PIWIL4: variants seen among roughly 807,000 people sequenced by gnomAD.
PIWIL4 encodes piwi like RNA-mediated gene silencing 4, also known as piwi-like protein 4.
Under a neutral mutation model 100.9 loss-of-function variants are expected in PIWIL4, and 50 were observed. The ratio of observed to expected loss-of-function variants is 0.50; its 90% CI spans 0.39 to 0.63. The LOEUF (loss-of-function observed/expected upper bound fraction) is 0.63, where lower values mean the gene tolerates loss of function less well. PIWIL4 is among the 20% of genes least tolerant of loss of function. PIWIL4 has a pLI of 0.00. For synonymous variants in PIWIL4, 342 were observed against 367.5 expected (o/e 0.93, Z 0.79); for missense variants, 887 against 1,043.3 (o/e 0.85, Z 2.06).
intron 17 of PIWIL4, among the ~76,000 whole-genome samples, chr11:94,618,914 A>G (rs1272594949): frequency 6.6e-6 from 1 of 152,130 alleles, no homozygotes; most frequent in Non-Finnish European, 1.5e-5. Context: ...TGGCAGTATC[A>G]TCTGCAGCTT....
At position 94,608,580 on chromosome 11, in the gene PIWIL4, T is replaced by C; in HGVS notation, c.1840-3T>C. On this transcript the variant is annotated splice_region_variant and splice_polypyrimidine_tract_variant and intron_variant, in intron 14 of 19. Transcript: ENST00000299001. ...TTAAATCATGACAAATTTAATTTTA[T>C]AGTTAAAGTCCCTGATGGTGGTCGG... is the stretch of plus-strand genomic sequence containing the variant. 2 of 1,612,162 alleles carry C rather than the reference T, an allele frequency of 1.2e-6. No individual in the cohort carries two copies. The highest frequency in any genetic ancestry group is 1.7e-6 in the Non-Finnish European group (2 of 1,178,456).
intron 7 of PIWIL4, among the ~76,000 whole-genome samples, chr11:94,587,772 T>G (rs1002910651): frequency 6.6e-5 from 10 of 152,258 alleles, no homozygotes; most frequent in African/African-American, 1.2e-4. Context: ...TCTCACCTTC[T>G]TTATTAGATT....
intron 16 of PIWIL4, chr11:94,617,730 C>T: frequency 2.1e-6 from 1 of 467,168 alleles, no homozygotes; most frequent in Non-Finnish European, 3.8e-6. Flanking sequence ...AAGAATATAT[C>T]ATGCCATAGA....
intron 13 of PIWIL4, 59 bp downstream of exon 13, chr11:94,604,115 C>T: frequency 8.7e-7 from 1 of 1,153,974 alleles, no homozygotes; most frequent in Non-Finnish European, 1.2e-6. Flanking sequence ...TGCTTTATAT[C>T]TACAGTCTGA....
At chr11:94,573,207 C>G (rs186318838) in intron 2 of PIWIL4, among the ~76,000 whole-genome samples, 6 of 152,296 alleles carry the variant, frequency 3.9e-5, no homozygotes, top group Admixed American at 2.6e-4. Flanking sequence ...ATGGGGTGTT[C>G]TAGATATACA....
In PIWIL4 at chr11:94,617,974, A is replaced by C. The variant is rs773107488; in HGVS notation, c.2035A>C (p.Lys679Gln). 1 of 1,613,974 alleles carries C rather than the reference A, an allele frequency of 6.2e-7. No individual in the cohort carries two copies. Among genetic ancestry groups the C allele is most frequent in the African/African-American group, 1.3e-5 (1 of 75,036 alleles). The change falls in exon 17 of 20, where the codon AAG becomes CAG. Residue 679 changes from lysine (K) to glutamine (Q), a missense_variant. Physicochemically the swap from Lys to Gln is moderately conservative, Grantham distance 53 (BLOSUM62 1). Around this residue, in one of 2 missense-constraint regions of PIWIL4, gnomAD observed 741 missense variants for 930.0 expected, o/e 0.80. Coordinates refer to ENST00000299001, the MANE Select transcript of PIWIL4 (RefSeq NM_152431.3). The part of the protein sequence containing the change: ...FMTGALNKWY[K>Q]YNHDLPARII... ...TGCAGGAGCACTCAACAAATGGTAC[A>C]AGTACAATCATGATTTGCCAGCACG...
chr11:94,608,588 GTCCC>G lies in PIWIL4; in HGVS notation c.1847_1850del (p.Ser616Ter), dbSNP rs760551345. On this transcript the variant is annotated frameshift_variant, in exon 15 of 20. Transcript: ENST00000299001. LOFTEE classifies it high-confidence loss of function. ...TGACAAATTTAATTTTATAGTTAAA[GTCCC>G]TGATGGTGGTCGGTATTGATGTCTG... is the stretch of plus-strand genomic sequence containing the variant. The G allele has an allele frequency of 6.2e-7, 1 of 1,613,414 alleles. No individual in the cohort carries two copies. Among genetic ancestry groups the G allele is most frequent in the Non-Finnish European group, 8.5e-7 (1 of 1,179,464 alleles).
At chr11:94,585,121 G>T (rs759899076) in intron 5 of PIWIL4, among the ~76,000 whole-genome samples, 3 of 152,068 alleles carry the variant, frequency 2.0e-5, no homozygotes, top group Admixed American at 6.6e-5. Flanking sequence ...GGTCAAAAAG[G>T]CCTGCAGGCA....
chr11:94,612,958 G>C (rs984620971), intron 15 of PIWIL4, among the ~76,000 whole-genome samples: 4 of 151,994 alleles, frequency 2.6e-5, no homozygotes, highest in African/African-American at 4.8e-5. Flanking sequence ...AAAATACTTT[G>C]ATCTTTTATC....
At position 94,608,657 on chromosome 11, in the gene PIWIL4, C is replaced by T. The variant is rs146415204; in HGVS notation, c.1914C>T (p.Cys638=). The T allele has an allele frequency of 2.3e-3, 3,763 of 1,614,006 alleles. 12 individuals carry two copies. Among genetic ancestry groups the T allele is most frequent in the Non-Finnish European group, 2.8e-3 (3,350 of 1,179,904 alleles). Residue 638 remains cysteine, a synonymous_variant, in exon 15 of 20, where the codon TGC becomes TGT. Transcript: ENST00000299001. Reference sequence around the variant, plus strand: ...GCAAGGACGTGATGGTTGTTGGATGCGTGGCCAGTGTTAACCCCAGAATCA... The same window carrying T: ...GCAAGGACGTGATGGTTGTTGGATGTGTGGCCAGTGTTAACCCCAGAATCA... ...ALSKDVMVVG[C]VASVNPRITR... is the part of the protein sequence containing the mutation.
rs2135311498 is a variant in PIWIL4 at position 94,621,269 on chromosome 11, T to A, written c.*277T>A. 1 of 335,084 alleles carries A rather than the reference T, an allele frequency of 3.0e-6. No homozygotes were observed. The highest frequency in any genetic ancestry group is 2.1e-5 in the African/African-American group (1 of 47,440). The allele number at this position is 335,084 out of a possible 1,614,324, so 20.8% of individuals were successfully genotyped here. On this transcript the variant is annotated 3_prime_UTR_variant, in exon 20 of 20. Coordinates refer to ENST00000299001, the MANE Select transcript of PIWIL4 (RefSeq NM_152431.3). ...AAGAATTCCACAGAGTTAAATATCT[T>A]AAGTTAAACACTTAAAATAAGTGTT...
In PIWIL4 at chr11:94,587,105, C is replaced by T. The variant is rs1361959152; in HGVS notation, c.772C>T (p.Leu258=). The T allele has an allele frequency of 3.1e-6, 5 of 1,613,792 alleles. No homozygotes were observed. Among genetic ancestry groups the T allele is most frequent in the African/African-American group, 1.3e-5 (1 of 74,864 alleles). Residue 258 remains leucine, a synonymous_variant, in exon 7 of 20, where the codon CTG becomes TTG. Transcript: ENST00000299001. Reference sequence around the variant, plus strand: ...TGTGTCATATTTTGAAAGGAAGCTCCTGTTTAGTGCTGATGTGAGTTACAA... The same window carrying T: ...TGTGTCATATTTTGAAAGGAAGCTCTTGTTTAGTGCTGATGTGAGTTACAA... ...ISVSYFERKL[L]FSADVSYKVL... is the part of the protein sequence containing the mutation.
intron 15 of PIWIL4, among the ~76,000 whole-genome samples, chr11:94,610,420 T>C (rs1012321173): frequency 6.6e-6 from 1 of 152,118 alleles, no homozygotes; most frequent in Non-Finnish European, 1.5e-5. Flanking sequence ...GAGGAACTTC[T>C]TTACTGGTTT....
At position 94,598,363 on chromosome 11, in the gene PIWIL4, G is replaced by A. The variant is rs563280870; in HGVS notation, c.1380+448G>A. On this transcript the variant is annotated intron_variant, in intron 11 of 19. Transcript: ENST00000299001. ...TGTCAGTTATGTATGTTAATCTTTC[G>A]AAATAAAACACTGCTCAATGGACAT... Among the ~76,000 whole-genome samples the A allele has an allele frequency of 1.3e-3, 197 of 152,184 alleles. 2 individuals are homozygous for A. Among genetic ancestry groups the A allele is most frequent in the African/African-American group, 4.5e-3 (185 of 41,518 alleles).
chr11:94,585,021 C>T (rs1454736942), intron 5 of PIWIL4, among the ~76,000 whole-genome samples: 1 of 152,096 alleles, frequency 6.6e-6, no homozygotes, highest in Non-Finnish European at 1.5e-5. Flanking sequence ...GCTGAGATCA[C>T]GCCATTGCAC....
At chr11:94,591,559 G>T (rs1021763163) in intron 8 of PIWIL4, among the ~76,000 whole-genome samples, 6 of 152,202 alleles carry the variant, frequency 3.9e-5, no homozygotes, top group African/African-American at 1.4e-4. Flanking sequence ...CCAACAGTTT[G>T]TTAAACATTT....
intron 13 of PIWIL4, among the ~76,000 whole-genome samples, chr11:94,606,861 G>A (rs1948726738): frequency 6.7e-6 from 1 of 150,196 alleles, no homozygotes; most frequent in African/African-American, 2.4e-5. Context: ...CAGGGGACTT[G>A]AAACTTCTCT....
rs970891439 is a variant in PIWIL4 at position 94,591,883 on chromosome 11, T to A, written c.1027-1635T>A. On this transcript the variant is annotated intron_variant, in intron 8 of 19. Coordinates refer to ENST00000299001, the MANE Select transcript of PIWIL4 (RefSeq NM_152431.3). ...TATCATACAAAGTATTTTCAAATGC[T>A]AAGAAAATTGGGGCAAGGGAGAGGG... Among the ~76,000 whole-genome samples, 3 of 152,204 alleles carry A rather than the reference T, an allele frequency of 2.0e-5. No homozygotes were observed. In the East Asian group the frequency reaches 5.8e-4, roughly 29 times the overall value.
intron 5 of PIWIL4, 77 bp downstream of exon 5, chr11:94,583,646 A>T (rs961575975): frequency 6.4e-7 from 1 of 1,573,354 alleles, no homozygotes; most frequent in African/African-American, 1.4e-5. Context: ...AAAATAATCG[A>T]CCATTTTGTA....
Sources: gnomAD v4.1 joint callset for allele counts (sites outside exome capture counted in the v4.1 genomes callset) on GRCh38, gnomAD v4.1.1 for gene constraint, gnomAD v4.1.1 regional missense constraint, MANE v1.5 for transcripts, NCBI Gene and HGNC (gene_info 2026-07-23, HGNC 2026-07-21) for gene names.